Variants in PCLO observed in about 807,000 individuals in gnomAD.
PCLO encodes piccolo presynaptic cytomatrix protein, also known as protein piccolo.
In PCLO, 82 loss-of-function variants were observed where a neutral mutation model predicts 427.5. The observed-to-expected ratio is 0.19, with a 90% CI of 0.16 to 0.23. The LOEUF (loss-of-function observed/expected upper bound fraction) is 0.23, where lower values mean the gene tolerates loss of function less well. Ranked by LOEUF, PCLO falls within the 10% of genes least tolerant of loss-of-function variation. PCLO has a pLI of 1.00. For synonymous variants in PCLO, 2,357 were observed against 2,155.4 expected (o/e 1.09, Z -2.59); for missense variants, 6,239 against 6,115.9 (o/e 1.02, Z -0.67).
intron 22 of PCLO, among the ~76,000 whole-genome samples, chr7:82,786,498 A>G (rs1252417746): frequency 1.3e-5 from 2 of 152,156 alleles, no homozygotes; most frequent in African/African-American, 2.4e-5. Context: ...ATATCTCCAT[A>G]TTATCATGTT....
intron 10 of PCLO, among the ~76,000 whole-genome samples, chr7:82,850,947 G>T (rs1247936688): frequency 6.6e-6 from 1 of 152,042 alleles, no homozygotes; most frequent in Non-Finnish European, 1.5e-5. Context: ...TCATTAGAAA[G>T]TGCAAATTGA....
chr7:82,769,035 C>A (rs999581398), intron 22 of PCLO, among the ~76,000 whole-genome samples: 1 of 152,122 alleles, frequency 6.6e-6, no homozygotes, highest in Non-Finnish European at 1.5e-5. Flanking sequence ...CCTGGCTGAA[C>A]TTTAATCTAG....
At chr7:82,814,145 A>G (rs1175981210) in intron 20 of PCLO, among the ~76,000 whole-genome samples, 1 of 151,824 alleles carries the variant, frequency 6.6e-6, no homozygotes, top group African/African-American at 2.4e-5. Flanking sequence ...ATGAAATTTC[A>G]AAAGGAAAAA....
rs1259503300 is a variant in PCLO at position 82,794,467 on chromosome 7, T to C, written c.15007+7051A>G. On this transcript the variant is annotated intron_variant, in intron 22 of 24. Transcript: ENST00000333891. The stretch of plus-strand genomic sequence containing the variant: ...GTTCATAAATTTTTTTTCTTTTTTT[T>C]TTTTTTTTTTTTTTTTTTTTTTGAG... Among the ~76,000 whole-genome samples the C allele has an allele frequency of 1.5e-3, 109 of 74,398 alleles. 1 individual carries two copies. The highest frequency in any genetic ancestry group is 2.0e-3 in the Non-Finnish European group (83 of 41,346). 48.8% of individuals were successfully genotyped at this position (74,398 alleles called of 152,430 possible). A position where few individuals can be genotyped will look rare whatever the true frequency, so the allele number is the denominator to read the frequency against.
chr7:83,134,298 A>T lies in PCLO; in HGVS notation c.3252T>A (p.Asn1084Lys), dbSNP rs771270281. ...PNFNTCTECK[N>K]QVCNLCGFNP... The stretch of plus-strand genomic sequence containing the variant: ...TAAATCCACAGAGATTACACACTTG[A>T]TTCTTGCATTCAGTGCAAGTATTGA... Residue 1084 changes from asparagine to lysine, a missense_variant, in exon 3 of 25, where the codon AAT becomes AAA. Physicochemically the swap from Asn to Lys is moderately conservative, Grantham distance 94. Transcript: ENST00000333891. The T allele has an allele frequency of 1.9e-6, 3 of 1,586,744 alleles. No homozygotes were observed. The highest frequency in any genetic ancestry group is 1.8e-5 in the Admixed American group (1 of 54,612).
intron 22 of PCLO, among the ~76,000 whole-genome samples, chr7:82,783,010 G>T (rs1790905884): frequency 6.6e-6 from 1 of 152,146 alleles, no homozygotes; most frequent in South Asian, 2.1e-4. Context: ...CTTCACTGAG[G>T]ATGTTAGACA....
At chr7:83,057,202 G>T (rs973992641) in intron 3 of PCLO, among the ~76,000 whole-genome samples, 1 of 147,608 alleles carries the variant, frequency 6.8e-6, no homozygotes, top group Non-Finnish European at 1.5e-5. Context: ...TTGTGCCTCA[G>T]TCTCCTGAGT....
intron 6 of PCLO, among the ~76,000 whole-genome samples, chr7:82,939,279 A>G (rs1795025334): frequency 6.6e-6 from 1 of 152,132 alleles, no homozygotes; most frequent in South Asian, 2.1e-4. Context: ...CTAAAGCATC[A>G]GATCATTAGC....
intron 22 of PCLO, among the ~76,000 whole-genome samples, chr7:82,774,048 T>G (rs184315440): frequency 3.9e-4 from 59 of 152,314 alleles, no homozygotes; most frequent in African/African-American, 1.1e-3. Flanking sequence ...CTCCTCATGA[T>G]TCTTTAGACC....
intron 21 of PCLO, among the ~76,000 whole-genome samples, chr7:82,803,744 A>G (rs1227748904): frequency 6.6e-6 from 1 of 152,122 alleles, no homozygotes; most frequent in East Asian, 1.9e-4. Context: ...CCAAGCTATA[A>G]TTTTATTAGA....
At chr7:83,040,166 T>C (rs538406441) in intron 3 of PCLO, among the ~76,000 whole-genome samples, 1 of 152,166 alleles carries the variant, frequency 6.6e-6, no homozygotes, top group Non-Finnish European at 1.5e-5. Context: ...ACATTTTAGG[T>C]AATAGATTAT....
intron 3 of PCLO, among the ~76,000 whole-genome samples, chr7:83,096,067 C>T (rs1420918601): frequency 6.6e-6 from 1 of 151,942 alleles, no homozygotes; most frequent in African/African-American, 2.4e-5. Context: ...ATCTAACACA[C>T]CTCAATTTCA....
intron 10 of PCLO, among the ~76,000 whole-genome samples, chr7:82,850,021 T>C (rs1441322270): frequency 6.7e-6 from 1 of 150,118 alleles, no homozygotes; most frequent in East Asian, 2.0e-4. Flanking sequence ...TATTTATTTA[T>C]TTTTTGAGAC....
intron 2 of PCLO, 137 bp from the exon 3 acceptor site, chr7:83,135,793 A>ATC: frequency 3.5e-6 from 2 of 570,590 alleles, no homozygotes; most frequent in African/African-American, 1.9e-5. Context: ...TTATTTTAAT[A>ATC]AATTGATATT....
chr7:82,815,034 T>A (rs1391210890), intron 20 of PCLO, among the ~76,000 whole-genome samples: 1 of 152,072 alleles, frequency 6.6e-6, no homozygotes, highest in African/African-American at 2.4e-5. Flanking sequence ...GAAAAAAATA[T>A]CAAGTTTTCA....
At chr7:83,018,264 A>G (rs1302701439) in intron 3 of PCLO, among the ~76,000 whole-genome samples, 1 of 152,000 alleles carries the variant, frequency 6.6e-6, no homozygotes, top group African/African-American at 2.4e-5. Context: ...CTGTTAAGTG[A>G]AAAAGAGAAA....
At chr7:83,145,459 T>C (rs1791970533) in intron 2 of PCLO, among the ~76,000 whole-genome samples, 1 of 152,160 alleles carries the variant, frequency 6.6e-6, no homozygotes, top group South Asian at 2.1e-4. Flanking sequence ...AATGGTATGG[T>C]GAATCAAGTA....
At position 83,134,242 on chromosome 7, in the gene PCLO, T is replaced by TATATATATATATATATATATATAA. The variant is rs746054139; in HGVS notation, c.3300+7_3300+8insTTATATATATATATATATATATAT. 907 of 1,067,202 alleles carry TATATATATATATATATATATATAA rather than the reference T, an allele frequency of 8.5e-4. 12 individuals carry two copies. The highest frequency in any genetic ancestry group is 5.3e-3 in the East Asian group (167 of 31,538). 66.1% of individuals were successfully genotyped at this position (1,067,202 alleles called of 1,614,324 possible). On this transcript the variant is annotated splice_region_variant and intron_variant, in intron 3 of 24. Transcript: ENST00000333891. ...TAATATATATATATATATATATATATAACTTACCTCAGTCAAATGTGGTGT... is the reference window on the plus strand; with the variant it reads ...TAATATATATATATATATATATATATATATATATATATATATATATATAAAACTTACCTCAGTCAAATGTGGTGT...
chr7:82,861,026 A>G (rs1401265913), intron 10 of PCLO, among the ~76,000 whole-genome samples: 1 of 152,052 alleles, frequency 6.6e-6, no homozygotes, highest in East Asian at 1.9e-4. Context: ...TCTTCACTAG[A>G]GGAAAACAGG....
Sources: gnomAD v4.1 joint callset for allele counts (sites outside exome capture counted in the v4.1 genomes callset) on GRCh38, gnomAD v4.1.1 for gene constraint, MANE v1.5 for transcripts, NCBI Gene and HGNC (gene_info 2026-07-23, HGNC 2026-07-21) for gene names.